Variants in CEP43 observed in about 807,000 individuals in gnomAD.
CEP43 encodes centrosomal protein 43, also known as FGFR1 oncogene partner.
CEP43 carries 36 observed loss-of-function variants against 52.6 expected under a neutral mutation model. The ratio of observed to expected loss-of-function variants is 0.68; its 90% CI spans 0.52 to 0.90. The LOEUF is 0.90. Among genes scored for constraint, CEP43 ranks in the 40% least tolerant of loss-of-function variants. The pLI, the probability that CEP43 is intolerant of heterozygous loss-of-function variation, is 0.00. For synonymous variants in CEP43, 192 were observed against 172.4 expected (o/e 1.11, Z -0.89); for missense variants, 506 against 472.8 (o/e 1.07, Z -0.65).
intron 9 of CEP43, among the ~76,000 whole-genome samples, chr6:167,025,555 A>G (rs542678118): frequency 6.6e-6 from 1 of 152,344 alleles, no homozygotes; most frequent in South Asian, 2.1e-4. Flanking sequence ...ACCTCTTTTG[A>G]GAAAGTTTCC....
At chr6:167,004,019 T>G (rs955182963) in intron 4 of CEP43, 17 of 590,058 alleles carry the variant, frequency 2.9e-5, no homozygotes, top group Non-Finnish European at 4.7e-5. Context: ...GAAAGCTTGC[T>G]AATAAAAGTG....
chr6:167,035,238 G>A (rs946366256), intron 12 of CEP43, among the ~76,000 whole-genome samples: 1 of 152,172 alleles, frequency 6.6e-6, no homozygotes, highest in African/African-American at 2.4e-5. Context: ...ACATAGATTG[G>A]ACTTTGACAG....
intron 10 of CEP43, among the ~76,000 whole-genome samples, chr6:167,029,504 TC>T (rs373007337): frequency 6.6e-6 from 1 of 152,256 alleles, no homozygotes; most frequent in African/African-American, 2.4e-5. Context: ...GAGCATTACG[TC>T]CCCACTCAGA....
At chr6:167,034,481 G>A (rs1780542417) in intron 12 of CEP43, among the ~76,000 whole-genome samples, 1 of 152,214 alleles carries the variant, frequency 6.6e-6, no homozygotes, top group African/African-American at 2.4e-5. Context: ...TTATGTGGGT[G>A]GAGAACAGAA....
At chr6:167,001,080 G>A (rs1779724480) in intron 2 of CEP43, among the ~76,000 whole-genome samples, 1 of 152,172 alleles carries the variant, frequency 6.6e-6, no homozygotes, top group Admixed American at 6.5e-5. Flanking sequence ...TGAACACATG[G>A]TCTTGTTGCT....
At chr6:167,012,601 A>C (rs1017010786) in intron 6 of CEP43, among the ~76,000 whole-genome samples, 3 of 152,192 alleles carry the variant, frequency 2.0e-5, no homozygotes, top group Non-Finnish European at 4.4e-5. Context: ...GCAAATTATT[A>C]CTGTTTTTAA....
intron 6 of CEP43, among the ~76,000 whole-genome samples, chr6:167,012,903 G>C (rs191921397): frequency 6.6e-6 from 1 of 152,286 alleles, no homozygotes; most frequent in East Asian, 1.9e-4. Flanking sequence ...ACCCACTTCA[G>C]AAATACCCTA....
At position 167,044,674 on chromosome 6, in the gene CEP43, G is replaced by A. The variant is rs1780764740; in HGVS notation, c.*4696G>A. ...CTTAGAAAATGAACCCCCGAACAAG[G>A]TAAGGTCGAGCTGGCCCCTCGTGTC... On this transcript the variant is annotated 3_prime_UTR_variant, in exon 13 of 13. Transcript: ENST00000366847. 10 of 538,266 alleles carry A rather than the reference G, an allele frequency of 1.9e-5. No homozygotes were observed. The highest frequency in any genetic ancestry group is 8.1e-5 in the South Asian group (1 of 12,412). 33.3% of individuals were successfully genotyped at this position (538,266 alleles called of 1,614,324 possible).
At position 167,003,718 on chromosome 6, in the gene CEP43, T is replaced by C; in HGVS notation, c.212-5T>C. 6.3e-7 allele frequency: 1 copy of C among 1,595,786 alleles called. No homozygotes were observed. Among genetic ancestry groups the C allele is most frequent in the South Asian group, 1.1e-5 (1 of 90,042 alleles). The stretch of plus-strand genomic sequence containing the variant: ...GCTTACTTACCTTTTTCTTGATCTT[T>C]ATAGGTCGTTTAGTGGCTAGTCTTG... On this transcript the variant is annotated splice_polypyrimidine_tract_variant and splice_region_variant and intron_variant, in intron 3 of 12. Transcript: ENST00000366847.
chr6:167,049,536 G>T lies in CEP43; in HGVS notation c.*9558G>T, dbSNP rs1433771019. 1 of 152,174 alleles carries T rather than the reference G, an allele frequency of 6.6e-6. No individual in the cohort carries two copies. Among genetic ancestry groups the T allele is most frequent in the Admixed American group, 6.5e-5 (1 of 15,268 alleles). The allele number at this position is 152,174 out of a possible 1,614,324, so 9.4% of individuals were successfully genotyped here. ...AAGAGTCATCTGTGTTGTAGCATTT[G>T]TCAGTACTTCATTTATTTTTGTTTC... On this transcript the variant is annotated 3_prime_UTR_variant, in exon 13 of 13. Transcript: ENST00000366847.
chr6:167,031,410 T>G (rs1029882647), intron 10 of CEP43, among the ~76,000 whole-genome samples: 1 of 152,164 alleles, frequency 6.6e-6, no homozygotes, highest in Non-Finnish European at 1.5e-5. Flanking sequence ...TTCACTAGAG[T>G]GTTTGCTCCC....
intron 11 of CEP43, among the ~76,000 whole-genome samples, chr6:167,033,097 C>CTTTTTTTTT (rs1562533056): frequency 4.2e-5 from 4 of 94,522 alleles, no homozygotes; most frequent in African/African-American, 1.6e-4. Context: ...GATTGCCATT[C>CTTTTTTTTT]TCTTTTTTTT....
Position 167,003,256 on chromosome 6 carries a change from T to G in CEP43, c.211+9T>G. 6.9e-7 allele frequency: 1 copy of G among 1,444,394 alleles called. No individual in the cohort carries two copies. Among genetic ancestry groups the G allele is most frequent in the Non-Finnish European group, 9.4e-7 (1 of 1,058,638 alleles). 89.5% of individuals were successfully genotyped at this position (1,444,394 alleles called of 1,614,324 possible). A position where few individuals can be genotyped will look rare whatever the true frequency, so the allele number is the denominator to read the frequency against. On this transcript the variant is annotated intron_variant, in intron 3 of 12. Transcript: ENST00000366847. ...TTTAAATACCAAAGACGGTAAGATG[T>G]TCAGTTTGTTCTTGTTTATCTATCT...
At chr6:167,009,827 C>A (rs959261686) in intron 5 of CEP43, among the ~76,000 whole-genome samples, 1 of 151,390 alleles carries the variant, frequency 6.6e-6, no homozygotes, top group East Asian at 1.9e-4. Flanking sequence ...CAGAGTGAGA[C>A]CCTGTTTCAA....
At chr6:167,013,324 A>C (rs1342624995) in intron 6 of CEP43, among the ~76,000 whole-genome samples, 184 bp from the exon 7 acceptor site, 2 of 152,258 alleles carry the variant, frequency 1.3e-5, no homozygotes, top group Non-Finnish European at 2.9e-5. Flanking sequence ...AACAGTAAAC[A>C]TGAGGTAGAT....
chr6:167,050,180 T>A lies in CEP43; in HGVS notation c.*10202T>A, dbSNP rs1428968839. On this transcript the variant is annotated 3_prime_UTR_variant, in exon 13 of 13. Coordinates refer to ENST00000366847, the MANE Select transcript of CEP43 (RefSeq NM_007045.4). ...TGATAGTGAGTCTCACAAGGTCTGATGGTTTTATAAGCATCTGGCATTTCC... is the reference window on the plus strand; with the variant it reads ...TGATAGTGAGTCTCACAAGGTCTGAAGGTTTTATAAGCATCTGGCATTTCC... 6.6e-6 allele frequency: 1 copy of A among 152,098 alleles called. No individual in the cohort carries two copies. 9.4% of individuals were successfully genotyped at this position (152,098 alleles called of 1,614,324 possible). A position where few individuals can be genotyped will look rare whatever the true frequency, so the allele number is the denominator to read the frequency against.
chr6:167,038,516 G>T (rs1780628668), intron 12 of CEP43, among the ~76,000 whole-genome samples: 1 of 152,200 alleles, frequency 6.6e-6, no homozygotes, highest in Non-Finnish European at 1.5e-5. Context: ...GATACTTCCT[G>T]TGAACAGAAT....
intron 7 of CEP43, among the ~76,000 whole-genome samples, chr6:167,021,608 C>A (rs1477011410): frequency 1.3e-5 from 2 of 152,070 alleles, no homozygotes; most frequent in Non-Finnish European, 2.9e-5. Context: ...GGTTAGGACT[C>A]CCTGAAAACA....
intron 10 of CEP43, chr6:167,028,634 T>C (rs1780402860): frequency 3.5e-6 from 1 of 284,058 alleles, no homozygotes; most frequent in African/African-American, 2.3e-5. Flanking sequence ...TGCCTGGCAC[T>C]GTACCAAGGA....
Sources: allele counts gnomAD v4.1 joint callset (sites outside exome capture counted in the v4.1 genomes callset), GRCh38; gene constraint gnomAD v4.1.1; transcripts MANE v1.5; gene names NCBI Gene and HGNC (gene_info 2026-07-23, HGNC 2026-07-21).